Variants in MTMR12 observed in about 807,000 individuals in gnomAD.
MTMR12 encodes myotubularin-related protein 12.
Under a neutral mutation model 96.7 loss-of-function variants are expected in MTMR12, and 33 were observed. That is an observed-to-expected ratio of 0.34 (90% CI 0.26 to 0.46). The LOEUF is 0.46. Among genes scored for constraint, MTMR12 ranks in the 20% least tolerant of loss-of-function variants. The pLI is 1.00. For synonymous variants in MTMR12, 298 were observed against 327.2 expected, an observed-to-expected ratio of 0.91 and a Z score of 0.96; for missense variants, 721 against 896.1, an observed-to-expected ratio of 0.80 and a Z score of 2.49.
chr5:32,300,304 G>A (rs1017439274), intron 1 of MTMR12, among the ~76,000 whole-genome samples: 4 of 152,112 alleles, frequency 2.6e-5, no homozygotes, highest in African/African-American at 9.7e-5. Flanking sequence ...CTCTAAATCA[G>A]CCTGCAGGGA....
intron 7 of MTMR12, among the ~76,000 whole-genome samples, chr5:32,262,625 A>G (rs2112059184): frequency 6.6e-6 from 1 of 152,288 alleles, no homozygotes; most frequent in East Asian, 1.9e-4. Flanking sequence ...AACAAAAACA[A>G]AAACAAAAAA....
rs138430051 is a variant in MTMR12, at chr5:32,237,343, G to A, written c.1344+1658C>T. Among the ~76,000 whole-genome samples the A allele has an allele frequency of 8.0e-3, 1,212 of 152,250 alleles. 18 individuals carry two copies. The highest frequency in any genetic ancestry group is 0.027 in the African/African-American group (1,113 of 41,544). ...TAGACATGTACACCACAATCTGGGG[G>A]ACTCATTTTCACCAGGTGACCTAAA... On this transcript the variant is annotated intron_variant, in intron 13 of 15. Transcript: ENST00000382142.
chr5:32,259,374 A>G (rs1199720196), intron 7 of MTMR12, among the ~76,000 whole-genome samples: 2 of 151,980 alleles, frequency 1.3e-5, no homozygotes, highest in Non-Finnish European at 2.9e-5. Flanking sequence ...GAAAAAGAGA[A>G]GGAAGAGACC....
intron 6 of MTMR12, among the ~76,000 whole-genome samples, chr5:32,267,983 GC>G (rs1749669594): frequency 6.6e-6 from 1 of 151,906 alleles, no homozygotes; most frequent in Admixed American, 6.6e-5. Context: ...ACAAGCATGC[GC>G]CACCATGCCC....
At chr5:32,302,335 C>A (rs1378534893) in intron 1 of MTMR12, among the ~76,000 whole-genome samples, 2 of 152,286 alleles carry the variant, frequency 1.3e-5, no homozygotes, top group Non-Finnish European at 2.9e-5. Flanking sequence ...TATGATTTTA[C>A]TTGATTTGAT....
At chr5:32,286,505 G>A (rs1266660348) in intron 1 of MTMR12, among the ~76,000 whole-genome samples, 1 of 151,384 alleles carries the variant, frequency 6.6e-6, no homozygotes, top group Non-Finnish European at 1.5e-5. Context: ...GGGCGACAAA[G>A]TGAGACCCTG....
chr5:32,312,862 C>T lies in MTMR12; in HGVS notation c.-24G>A, dbSNP rs371334457. The T allele has an allele frequency of 1.2e-4, 182 of 1,513,164 alleles. No individual in the cohort carries two copies. The African/African-American group carries it at 2.5e-3, about 21-fold the overall frequency. 93.7% of individuals were successfully genotyped at this position (1,513,164 alleles called of 1,614,324 possible). ...ATACCGCCGCCCTGGGAAGCAGCGACGCGCGGACGCAGAGGCGGCGGCTCG... is the reference window on the plus strand; with the variant it reads ...ATACCGCCGCCCTGGGAAGCAGCGATGCGCGGACGCAGAGGCGGCGGCTCG... On this transcript the variant is annotated 5_prime_UTR_variant, in exon 1 of 16. Coordinates refer to ENST00000382142, the MANE Select transcript of MTMR12 (RefSeq NM_001040446.3). The surrounding 1 kb of genome is among the most constrained non-coding windows in gnomAD (Gnocchi z 5.0).
intron 10 of MTMR12, among the ~76,000 whole-genome samples, chr5:32,245,567 C>A (rs185648557): frequency 2.6e-5 from 4 of 152,200 alleles, no homozygotes; most frequent in African/African-American, 9.6e-5. Context: ...GTGGCTCATG[C>A]CTATAATCCC....
chr5:32,271,726 T>C (rs1376635973), intron 4 of MTMR12, 107 bp downstream of exon 4: 5 of 604,540 alleles, frequency 8.3e-6, no homozygotes, highest in Non-Finnish European at 7.8e-6. Flanking sequence ...CAAGATGATA[T>C]ATGTGAAAAA....
intron 1 of MTMR12, among the ~76,000 whole-genome samples, chr5:32,280,671 A>G (rs2112105546): frequency 6.6e-6 from 1 of 152,302 alleles, no homozygotes; most frequent in Admixed American, 6.5e-5. Flanking sequence ...TGTACTAAAA[A>G]CAGAAAGAAT....
Position 32,239,110 on chromosome 5 carries a change from T to TG in MTMR12, c.1234dup (p.His412ProfsTer60). 6.2e-7 allele frequency: 1 copy of TG among 1,610,092 alleles called. No individual in the cohort carries two copies. The highest frequency in any genetic ancestry group is 8.5e-7 in the Non-Finnish European group (1 of 1,178,152). ...CTGGAAACCAATTCTGGTTCTGCAG[T>TG]GGGGGTCCATCATCAGTTGCACCAG... is the stretch of plus-strand genomic sequence containing the variant. On this transcript the variant is annotated frameshift_variant, in exon 13 of 16. Coordinates refer to ENST00000382142, the MANE Select transcript of MTMR12 (RefSeq NM_001040446.3). LOFTEE classifies it high-confidence loss of function.
In MTMR12 at chr5:32,235,020, T is replaced by C; in HGVS notation, c.1454A>G (p.Tyr485Cys). The change falls in exon 14 of 16, where the codon TAT becomes TGT. Residue 485 changes from tyrosine (Y) to cysteine (C), a missense_variant. Physicochemically the swap from Tyr to Cys is radical, Grantham distance 194. Transcript: ENST00000382142. ...TYLTVLSDSL[Y>C]IPIFSTFFFN... ...GAAGAAGGTGCTAAAAATAGGTATA[T>C]ACAGGCTATCTGACAAAACAGTCAG... 6.2e-7 allele frequency: 1 copy of C among 1,614,038 alleles called. No individual in the cohort carries two copies. Among genetic ancestry groups the C allele is most frequent in the Non-Finnish European group, 8.5e-7 (1 of 1,179,852 alleles).
At chr5:32,308,818 T>C (rs553241805) in intron 1 of MTMR12, among the ~76,000 whole-genome samples, 13 of 152,102 alleles carry the variant, frequency 8.5e-5, no homozygotes, top group Non-Finnish European at 1.9e-4. Context: ...TTGGCCAGGA[T>C]AGTCTGGATC....
rs146480696 is a variant in MTMR12 at position 32,297,183 on chromosome 5, T to C, written c.81+15575A>G. Among the ~76,000 whole-genome samples, 494 of 152,212 alleles carry C rather than the reference T, an allele frequency of 3.2e-3. 2 individuals carry two copies. Among genetic ancestry groups the C allele is most frequent in the South Asian group, 0.015 (71 of 4,822 alleles). On this transcript the variant is annotated intron_variant, in intron 1 of 15. Transcript: ENST00000382142. ...ATATAATGTTTAACAATATAAAGTG[T>C]TGAAATGGTATTCAGTATATTCATA...
intron 2 of MTMR12, among the ~76,000 whole-genome samples, chr5:32,274,910 T>C (rs55790566): frequency 0.44 from 67,331 of 151,726 alleles, 15,898 homozygotes; most frequent in African/African-American, 0.6. Flanking sequence ...TTCTCTGCCA[T>C]CTGGAAGCAG....
intron 13 of MTMR12, among the ~76,000 whole-genome samples, chr5:32,236,747 G>C (rs1350536675): frequency 1.3e-5 from 2 of 150,892 alleles, no homozygotes; most frequent in Non-Finnish European, 2.9e-5. Flanking sequence ...TGAGGCAGGA[G>C]AATCACTTGA....
At chr5:32,258,255 G>C (rs1749219099) in intron 7 of MTMR12, among the ~76,000 whole-genome samples, 1 of 152,204 alleles carries the variant, frequency 6.6e-6, no homozygotes, top group Non-Finnish European at 1.5e-5. Context: ...TCAAAACTGT[G>C]AAGAATGTTT....
At chr5:32,240,124 G>A (rs1748406263) in intron 12 of MTMR12, among the ~76,000 whole-genome samples, 1 of 152,168 alleles carries the variant, frequency 6.6e-6, no homozygotes. Context: ...TTGTAGGCCG[G>A]GCGCGGTGGC....
intron 1 of MTMR12, among the ~76,000 whole-genome samples, chr5:32,285,576 G>T (rs150128348): frequency 2.2e-3 from 335 of 152,072 alleles, no homozygotes; most frequent in African/African-American, 7.9e-3. Flanking sequence ...TCCAGTTTCC[G>T]CAAGTTTTCC....
Sources: allele counts gnomAD v4.1 joint callset (sites outside exome capture counted in the v4.1 genomes callset), GRCh38; gene constraint gnomAD v4.1.1; non-coding constraint Gnocchi (gnomAD v3.1); transcripts MANE v1.5; gene names NCBI Gene and HGNC (gene_info 2026-07-23, HGNC 2026-07-21).